The following TNRC6C variants were observed in gnomAD, a reference collection of about 807,000 sequenced individuals.
The protein encoded by TNRC6C is trinucleotide repeat containing adaptor 6C.
In TNRC6C, 20 loss-of-function variants were observed where a neutral mutation model predicts 153.7. That is an observed-to-expected ratio of 0.13 (90% CI 0.09 to 0.19). The LOEUF is 0.19. TNRC6C is among the 10% of genes least tolerant of loss of function. The probability of loss-of-function intolerance (pLI) is 1.00; values close to 1 mark genes in which losing one functional copy is unlikely to be tolerated. For missense variants in TNRC6C, 1,987 were observed against 2,172.0 expected, an observed-to-expected ratio of 0.91 and a Z score of 1.69; for synonymous variants, 811 against 841.4, an observed-to-expected ratio of 0.96 and a Z score of 0.63.
intron 1 of TNRC6C, among the ~76,000 whole-genome samples, chr17:77,982,206 G>A (rs937777081): frequency 2.0e-5 from 3 of 152,124 alleles, no homozygotes; most frequent in African/African-American, 7.2e-5. Flanking sequence ...TATGAGAAAT[G>A]TTTGTTGTGT....
chr17:78,082,342 TTAACA>T (rs2073196415), intron 10 of TNRC6C, among the ~76,000 whole-genome samples: 1 of 151,980 alleles, frequency 6.6e-6, no homozygotes. Context: ...AAGTAATTCT[TTAACA>T]TAACATCGGT....
At chr17:78,010,978 C>T (rs1288822402) in intron 1 of TNRC6C, among the ~76,000 whole-genome samples, 2 of 152,156 alleles carry the variant, frequency 1.3e-5, no homozygotes, top group Admixed American at 6.6e-5. Context: ...TCCGGGGGCG[C>T]CTCCCGAGGG....
chr17:78,005,024 C>G (rs1438702223), upstream of TNRC6C: 15 of 1,189,238 alleles, frequency 1.3e-5, no homozygotes, highest in Non-Finnish European at 1.5e-5. Flanking sequence ...TAAAGAGTTT[C>G]TTTCTTTCTT....
chr17:78,011,796 C>G (rs775292527), intron 1 of TNRC6C, among the ~76,000 whole-genome samples: 10 of 152,222 alleles, frequency 6.6e-5, no homozygotes, highest in Non-Finnish European at 1.3e-4. Flanking sequence ...TTTCACAGTT[C>G]TGCATCTTCA....
intron 2 of TNRC6C, among the ~76,000 whole-genome samples, chr17:78,038,078 A>G (rs1412372579): frequency 6.6e-6 from 1 of 152,234 alleles, no homozygotes; most frequent in Non-Finnish European, 1.5e-5. Flanking sequence ...CAAGACAAAT[A>G]TAAGAACTAC....
intron 4 of TNRC6C, among the ~76,000 whole-genome samples, 182 bp downstream of exon 6, chr17:78,065,119 C>G (rs1388114644): frequency 6.6e-6 from 1 of 152,112 alleles, no homozygotes; most frequent in African/African-American, 2.4e-5. Flanking sequence ...GAGTCCAGGG[C>G]AGGAGGATCG....
rs1024847391 is a variant in TNRC6C, at chr17:78,097,699, C to A, written c.4307-644C>A. On this transcript the variant is annotated intron_variant, in intron 16 of 19. Transcript: ENST00000301624. Reference sequence around the variant, plus strand: ...ACACCCCACAGTTAGAGTCATGAACCCGGACACCGCCACCACCTTGCTCAG... The same window carrying A: ...ACACCCCACAGTTAGAGTCATGAACACGGACACCGCCACCACCTTGCTCAG... 5 of 1,405,186 alleles carry A rather than the reference C, an allele frequency of 3.6e-6. No individual in the cohort carries two copies. The Admixed American group carries it at 7.0e-5, about 20-fold the overall frequency. 87.0% of individuals were successfully genotyped at this position (1,405,186 alleles called of 1,614,324 possible).
At chr17:78,029,668 A>C (rs1180168697) in intron 1 of TNRC6C, among the ~76,000 whole-genome samples, 1 of 152,100 alleles carries the variant, frequency 6.6e-6, no homozygotes, top group Non-Finnish European at 1.5e-5. Flanking sequence ...AAGAGTTTTC[A>C]CTCTTTCATA....
At chr17:78,041,339 A>G (rs2072290343) in intron 2 of TNRC6C, among the ~76,000 whole-genome samples, 1 of 151,864 alleles carries the variant, frequency 6.6e-6, no homozygotes, top group African/African-American at 2.4e-5. Flanking sequence ...AGACTTACCC[A>G]TGGCTTTCCC....
At chr17:78,004,198 G>A, upstream of TNRC6C, 1 of 1,231,434 alleles carries the variant, frequency 8.1e-7, no homozygotes, top group Non-Finnish European at 1.0e-6. Context: ...ACAAGAAGAG[G>A]AACGTTTGAT....
intron 11 of TNRC6C, among the ~76,000 whole-genome samples, chr17:78,084,186 AG>A (rs1455292148): frequency 6.6e-6 from 1 of 152,038 alleles, no homozygotes; most frequent in East Asian, 1.9e-4. Flanking sequence ...CGGGAGGCTG[AG>A]GCAGGAGAAT....
intron 9 of TNRC6C, 154 bp downstream of exon 11, chr17:78,077,488 G>A (rs1250562956): frequency 2.9e-5 from 28 of 979,452 alleles, no homozygotes; most frequent in Non-Finnish European, 4.2e-5. Context: ...TTTCCCTTCA[G>A]GTGACTTACT....
At chr17:78,065,076 C>G in intron 4 of TNRC6C, 139 bp downstream of exon 6, 1 of 1,000,250 alleles carries the variant, frequency 1.0e-6, no homozygotes, top group East Asian at 2.6e-5. Flanking sequence ...TGGCCAAGCA[C>G]AGTGCCTCAC....
In TNRC6C at chr17:78,049,090, T is replaced by G. The variant is rs756845920; in HGVS notation, c.28T>G (p.Phe10Val). Residue 10 changes from phenylalanine (F) to valine (V), a missense_variant, in exon 3 of 20, where the codon TTC becomes GTC. By Grantham distance (50) the Phe-to-Val change is conservative. Coordinates refer to ENST00000301624, the Ensembl canonical transcript of TNRC6C. This position sits in a 1 kb window ranked among gnomAD's most constrained non-coding sequence, Gnocchi z 4.1. Reference sequence around the variant, plus strand: ...GGCTACAGGGAGTGCCCAGGGCAACTTCACTGGACATACCAAGAAGACAAA... The same window carrying G: ...GGCTACAGGGAGTGCCCAGGGCAACGTCACTGGACATACCAAGAAGACAAA... 1 of 1,555,616 alleles carries G rather than the reference T, an allele frequency of 6.4e-7. No homozygotes were observed. Among genetic ancestry groups the G allele is most frequent in the Non-Finnish European group, 8.7e-7 (1 of 1,149,122 alleles).
At chr17:78,022,081 T>G (rs1397031313) in intron 1 of TNRC6C, among the ~76,000 whole-genome samples, 1 of 152,190 alleles carries the variant, frequency 6.6e-6, no homozygotes, top group Non-Finnish European at 1.5e-5. Context: ...CCAAGGTCAT[T>G]CCCAGAATTT....
At position 78,075,013 on chromosome 17, in the gene TNRC6C, G is replaced by A; in HGVS notation, c.2918-123G>A. On this transcript the variant is annotated intron_variant, in intron 7 of 19. Coordinates refer to ENST00000301624, the Ensembl canonical transcript of TNRC6C. The surrounding 1 kb of genome is among the most constrained non-coding windows in gnomAD (Gnocchi z 4.2). Reference sequence around the variant, plus strand: ...AAAGCAAGGGCTCTCTCTGCCCCTGGCTTCCCTGTGTTTGAAGGGGTGGAG... The same window carrying A: ...AAAGCAAGGGCTCTCTCTGCCCCTGACTTCCCTGTGTTTGAAGGGGTGGAG... 1 of 1,272,330 alleles carries A rather than the reference G, an allele frequency of 7.9e-7. No individual in the cohort carries two copies. The highest frequency in any genetic ancestry group is 1.1e-6 in the Non-Finnish European group (1 of 929,048). 78.8% of individuals were successfully genotyped at this position (1,272,330 alleles called of 1,614,324 possible).
At chr17:78,011,660 A>G (rs914715003) in intron 1 of TNRC6C, among the ~76,000 whole-genome samples, 1 of 152,234 alleles carries the variant, frequency 6.6e-6, no homozygotes, top group African/African-American at 2.4e-5. Flanking sequence ...TACAAGTCTT[A>G]TATGGCTATA....
At chr17:78,082,355 G>A (rs751902437) in intron 10 of TNRC6C, among the ~76,000 whole-genome samples, 2 of 152,058 alleles carry the variant, frequency 1.3e-5, no homozygotes, top group Admixed American at 6.5e-5. Context: ...ACATAACATC[G>A]GTATGCAGAA....
At chr17:77,972,690 T>C (rs1022718079) in intron 1 of TNRC6C, among the ~76,000 whole-genome samples, 2 of 152,168 alleles carry the variant, frequency 1.3e-5, no homozygotes, top group Non-Finnish European at 2.9e-5. Context: ...AATGGACATA[T>C]AGCAAGAAAT....
Sources: gnomAD v4.1 joint callset for allele counts (sites outside exome capture counted in the v4.1 genomes callset) on GRCh38, gnomAD v4.1.1 for gene constraint, Gnocchi (gnomAD v3.1) non-coding constraint, MANE v1.5 for transcripts, NCBI Gene and HGNC (gene_info 2026-07-23, HGNC 2026-07-21) for gene names.